Variants in PLEKHA2 observed in about 807,000 individuals in gnomAD.
The protein encoded by PLEKHA2 is pleckstrin homology domain containing A2, also known as pleckstrin homology domain-containing family A member 2.
PLEKHA2 carries 28 observed loss-of-function variants against 53.2 expected under a neutral mutation model. The ratio of observed to expected loss-of-function variants is 0.53; its 90% CI spans 0.39 to 0.72. The LOEUF (loss-of-function observed/expected upper bound fraction) is 0.72. Ranked by LOEUF, PLEKHA2 falls within the 30% of genes least tolerant of loss-of-function variation. The pLI, the probability that PLEKHA2 is intolerant of heterozygous loss-of-function variation, is 0.00. For synonymous variants in PLEKHA2, 193 were observed against 196.4 expected, an observed-to-expected ratio of 0.98 and a Z score of 0.14; for missense variants, 426 against 537.9, an observed-to-expected ratio of 0.79 and a Z score of 2.06.
intron 3 of PLEKHA2, 129 bp downstream of exon 3, chr8:38,936,179 A>G: frequency 1.0e-6 from 1 of 960,294 alleles, no homozygotes; most frequent in Non-Finnish European, 1.6e-6. Context: ...TGCTCCCCTG[A>G]ACCCACACAA....
intron 1 of PLEKHA2, among the ~76,000 whole-genome samples, chr8:38,915,171 C>T (rs1407601412): frequency 2.0e-5 from 3 of 152,156 alleles, no homozygotes; most frequent in African/African-American, 7.2e-5. Flanking sequence ...GTCTCAAACC[C>T]CTGGCCTCAA....
rs1170024307 is a variant in PLEKHA2, at chr8:38,922,367, A to C, written c.141+4297A>C. On this transcript the variant is annotated intron_variant, in intron 2 of 11. Transcript: ENST00000617275. This position sits in a 1 kb window ranked among gnomAD's most constrained non-coding sequence, Gnocchi z 4.0. ...AATGAAGGAATGAATGAGCCAGCTAAAGAGGGCCAGGGAAGGAAGTGGTCA... is the reference window on the plus strand; with the variant it reads ...AATGAAGGAATGAATGAGCCAGCTACAGAGGGCCAGGGAAGGAAGTGGTCA... 6.6e-6 allele frequency among the ~76,000 whole-genome samples: 1 copy of C among 152,190 alleles called. No individual in the cohort carries two copies. The highest frequency in any genetic ancestry group is 2.4e-5 in the African/African-American group (1 of 41,446).
chr8:38,935,604 A>C (rs1233932718), intron 2 of PLEKHA2, among the ~76,000 whole-genome samples: 1 of 152,018 alleles, frequency 6.6e-6, no homozygotes, highest in Admixed American at 6.5e-5. Context: ...ATTTTTGTAG[A>C]GATGGGGTCT....
intron 2 of PLEKHA2, among the ~76,000 whole-genome samples, chr8:38,927,924 T>C (rs895923422): frequency 1.3e-5 from 2 of 151,826 alleles, no homozygotes; most frequent in African/African-American, 4.8e-5. Context: ...CTTCCTGATA[T>C]GCCTGAGGTG....
chr8:38,961,022 A>G (rs184736692), intron 10 of PLEKHA2: 50 of 152,356 alleles, frequency 3.3e-4, no homozygotes, highest in African/African-American at 1.1e-3. Context: ...ATTATGTACT[A>G]TCCAAAATCA....
chr8:38,920,903 C>T (rs372128556), intron 2 of PLEKHA2, among the ~76,000 whole-genome samples: 3 of 151,798 alleles, frequency 2.0e-5, no homozygotes, highest in African/African-American at 4.8e-5. Context: ...CGGGTTCAAG[C>T]GATTCTCCTG....
chr8:38,903,665 C>G (rs10113275), intron 1 of PLEKHA2, among the ~76,000 whole-genome samples: 32,069 of 152,130 alleles, frequency 0.21, 3,470 homozygotes, highest in African/African-American at 0.26. Flanking sequence ...AAGACCCAAG[C>G]AGCGTTGGTC....
Position 38,960,732 on chromosome 8 carries a change from G to C in PLEKHA2, c.837+3346G>C, listed in dbSNP as rs115907004. On this transcript the variant is annotated intron_variant, in intron 10 of 11. Transcript: ENST00000617275. ...CTTGCCTCACACAGATGTGTATTTG[G>C]AAAAAAGGAATATTTTAATAGCCTT... 1,158 of 152,140 alleles carry C rather than the reference G, an allele frequency of 7.6e-3. 13 individuals carry two copies. Among genetic ancestry groups the C allele is most frequent in the African/African-American group, 0.027 (1,120 of 41,510 alleles). The allele number at this position is 152,140 out of a possible 1,614,324, so 9.4% of individuals were successfully genotyped here. A position where few individuals can be genotyped will look rare whatever the true frequency, so the allele number is the denominator to read the frequency against.
rs754593812 is a variant in PLEKHA2, at chr8:38,973,507, G to A, written c.*3724G>A. On this transcript the variant is annotated 3_prime_UTR_variant, in exon 12 of 12. Transcript: ENST00000617275. ...GAGGTCACAGCATTTTGGAAATTGA[G>A]TGTCCCCAAGTGAGCTTTGTTTATA... 6.6e-6 allele frequency: 1 copy of A among 151,764 alleles called. No individual in the cohort carries two copies. The highest frequency in any genetic ancestry group is 1.5e-5 in the Non-Finnish European group (1 of 67,988). 9.4% of individuals were successfully genotyped at this position (151,764 alleles called of 1,614,324 possible). A position where few individuals can be genotyped will look rare whatever the true frequency, so the allele number is the denominator to read the frequency against.
intron 10 of PLEKHA2, among the ~76,000 whole-genome samples, chr8:38,963,979 A>G (rs1400683871): frequency 6.6e-6 from 1 of 152,234 alleles, no homozygotes; most frequent in Admixed American, 6.5e-5. Context: ...CTATCATATT[A>G]GCAAAGATTT....
In PLEKHA2 at chr8:38,952,264, T is replaced by C. The variant is rs2129422490; in HGVS notation, c.585T>C (p.Thr195=). The change falls in exon 7 of 12, where the codon ACT becomes ACC. Residue 195 remains threonine (T), a synonymous_variant. Coordinates refer to ENST00000617275, the MANE Select transcript of PLEKHA2 (RefSeq NM_021623.2). ...YIPTSGCRAS[T]GPPLIKSGYC... ...CCACGTCAGGCTGCCGTGCTTCCAC[T>C]GGGCCTCCCCTCATTAAGAGTGGTT... 1 of 1,612,850 alleles carries C rather than the reference T, an allele frequency of 6.2e-7. No individual in the cohort carries two copies.
intron 1 of PLEKHA2, among the ~76,000 whole-genome samples, chr8:38,906,400 G>A (rs1035777653): frequency 2.0e-5 from 3 of 152,104 alleles, no homozygotes; most frequent in African/African-American, 4.8e-5. Flanking sequence ...AGTTACTCCT[G>A]CCTTACACCC....
At chr8:38,920,915 C>G (rs757666889) in intron 2 of PLEKHA2, among the ~76,000 whole-genome samples, 5 of 152,040 alleles carry the variant, frequency 3.3e-5, no homozygotes, top group Non-Finnish European at 5.9e-5. Context: ...ATTCTCCTGT[C>G]TCAGCCTCCC....
At chr8:38,903,869 G>C (rs1044350188) in intron 1 of PLEKHA2, among the ~76,000 whole-genome samples, 1 of 152,206 alleles carries the variant, frequency 6.6e-6, no homozygotes, top group African/African-American at 2.4e-5. Context: ...GTGCTGGGAC[G>C]TTGGGTTGCT....
At chr8:38,921,783 C>G (rs1439981458) in intron 2 of PLEKHA2, among the ~76,000 whole-genome samples, 2 of 152,228 alleles carry the variant, frequency 1.3e-5, no homozygotes, top group Non-Finnish European at 2.9e-5. Context: ...TAGAGCTCAC[C>G]TGGCTTGGCA....
chr8:38,948,172 AG>A (rs1462949859), intron 5 of PLEKHA2, among the ~76,000 whole-genome samples: 4 of 152,052 alleles, frequency 2.6e-5, no homozygotes, highest in African/African-American at 9.7e-5. Context: ...AAATTTCTGC[AG>A]TTCCATGGTG....
At chr8:38,943,514 G>A (rs1278113399) in intron 3 of PLEKHA2, among the ~76,000 whole-genome samples, 1 of 151,958 alleles carries the variant, frequency 6.6e-6, no homozygotes, top group Admixed American at 6.6e-5. Context: ...ATAAACATAA[G>A]TCTTTTTGTA....
intron 2 of PLEKHA2, among the ~76,000 whole-genome samples, chr8:38,928,417 G>C (rs1834327284): frequency 6.6e-6 from 1 of 151,710 alleles, no homozygotes; most frequent in Non-Finnish European, 1.5e-5. Flanking sequence ...CCCAGCTAAT[G>C]TTTGTATTTT....
At chr8:38,910,841 A>G (rs778645691) in intron 1 of PLEKHA2, among the ~76,000 whole-genome samples, 2 of 152,258 alleles carry the variant, frequency 1.3e-5, no homozygotes, top group Non-Finnish European at 2.9e-5. Context: ...AATGTTATGC[A>G]ACCATTAGAA....
Sources: allele counts gnomAD v4.1 joint callset (sites outside exome capture counted in the v4.1 genomes callset), GRCh38; gene constraint gnomAD v4.1.1; non-coding constraint Gnocchi (gnomAD v3.1); transcripts MANE v1.5; gene names NCBI Gene and HGNC (gene_info 2026-07-23, HGNC 2026-07-21).